ASCC3: variants seen among roughly 807,000 people sequenced by gnomAD.
ASCC3 encodes activating signal cointegrator 1 complex subunit 3.
ASCC3 carries 158 observed loss-of-function variants against 256.3 expected under a neutral mutation model. That is an observed-to-expected ratio of 0.62 (90% CI 0.54 to 0.70). The LOEUF (loss-of-function observed/expected upper bound fraction) is 0.70, where lower values mean the gene tolerates loss of function less well. ASCC3 is among the 30% of genes least tolerant of loss of function. ASCC3 has a pLI of 0.00. For missense variants in ASCC3, 2,259 were observed against 2,626.0 expected, an observed-to-expected ratio of 0.86 and a Z score of 3.05; for synonymous variants, 948 against 883.4, an observed-to-expected ratio of 1.07 and a Z score of -1.30.
intron 29 of ASCC3, among the ~76,000 whole-genome samples, chr6:100,625,628 C>T (rs552720160): frequency 1.8e-4 from 28 of 152,122 alleles, no homozygotes; most frequent in African/African-American, 6.7e-4. Flanking sequence ...GACTGAGACT[C>T]TCCATTAAGA....
chr6:100,853,926 T>C (rs1262194006), intron 3 of ASCC3, among the ~76,000 whole-genome samples: 2 of 152,182 alleles, frequency 1.3e-5, no homozygotes, highest in Non-Finnish European at 2.9e-5. Flanking sequence ...ACAAAGTACA[T>C]TATTTAACAA....
At position 100,659,723 on chromosome 6, in the gene ASCC3, T is replaced by C. The variant is rs140330935; in HGVS notation, c.2703+2083A>G. Among the ~76,000 whole-genome samples, 8 of 151,712 alleles carry C rather than the reference T, an allele frequency of 5.3e-5. No homozygotes were observed. The East Asian group carries it at 1.2e-3, about 22-fold the overall frequency. The stretch of plus-strand genomic sequence containing the variant: ...TACTGACTTTGTGTCTTCTGTATAA[T>C]ATTGCCAACTTGTGTTTATTTTACC... On this transcript the variant is annotated intron_variant, in intron 16 of 41. Transcript: ENST00000369162.
chr6:100,651,757 G>A (rs1775682215), intron 18 of ASCC3, 111 bp from the exon 19 acceptor site: 1 of 424,978 alleles, frequency 2.4e-6, no homozygotes, highest in South Asian at 4.6e-5. Context: ...CCTAGACAGT[G>A]CAGTTATAAT....
chr6:100,813,841 G>A (rs1770608097), intron 4 of ASCC3, among the ~76,000 whole-genome samples: 1 of 151,836 alleles, frequency 6.6e-6, no homozygotes, highest in Non-Finnish European at 1.5e-5. Flanking sequence ...AAGGAGCTTT[G>A]GGGCCACAAC....
intron 13 of ASCC3, among the ~76,000 whole-genome samples, chr6:100,712,193 T>C (rs1422059794): frequency 2.0e-5 from 3 of 152,008 alleles, no homozygotes; most frequent in Admixed American, 1.3e-4. Flanking sequence ...AAAATCAAGG[T>C]GACCTTGGAT....
intron 12 of ASCC3, among the ~76,000 whole-genome samples, chr6:100,716,473 G>A (rs1779091140): frequency 6.6e-6 from 1 of 151,820 alleles, no homozygotes; most frequent in African/African-American, 2.4e-5. Flanking sequence ...CATCTAAAAT[G>A]ACAATGATTT....
At chr6:100,655,640 T>C (rs1283374655) in intron 17 of ASCC3, 59 bp downstream of exon 17, 5 of 1,564,698 alleles carry the variant, frequency 3.2e-6, no homozygotes, top group African/African-American at 1.4e-5. Flanking sequence ...TCTATCCTCA[T>C]ATCATGAAAG....
intron 4 of ASCC3, among the ~76,000 whole-genome samples, chr6:100,817,748 C>A (rs1192860234): frequency 6.6e-6 from 1 of 152,094 alleles, no homozygotes; most frequent in Non-Finnish European, 1.5e-5. Flanking sequence ...TCTGAACAGA[C>A]CTATAACAAG....
At position 100,631,212 on chromosome 6, in the gene ASCC3, G is replaced by A. The variant is rs202030362; in HGVS notation, c.4124C>T (p.Ala1375Val). ...GGCTTTTAGGGGTGCAATATATACC[G>A]CCTAAAAAGGGGAGAATAGCCAAAA... is the stretch of plus-strand genomic sequence containing the variant. ...RVFNKYPTSKAVYIAPLKALV... is the reference protein window; with the variant it reads ...RVFNKYPTSKVVYIAPLKALV... Residue 1375 changes from alanine (A) to valine (V), a missense_variant and splice_region_variant, in exon 26 of 42, where the codon GCG becomes GTG. Transcript: ENST00000369162. 73 of 1,607,894 alleles carry A rather than the reference G, an allele frequency of 4.5e-5. No homozygotes were observed. Among genetic ancestry groups the A allele is most frequent in the African/African-American group, 3.7e-4 (28 of 74,798 alleles).
chr6:100,670,594 GA>G (rs1005274912), intron 14 of ASCC3, among the ~76,000 whole-genome samples: 5 of 124,260 alleles, frequency 4.0e-5, no homozygotes, highest in Non-Finnish European at 8.0e-5. Flanking sequence ...TTAATCTGCA[GA>G]AAAGTCATCT....
chr6:100,649,179 C>T lies in ASCC3; in HGVS notation c.3252+1359G>A, dbSNP rs182144058. 3.4e-3 allele frequency among the ~76,000 whole-genome samples: 514 copies of T among 151,724 alleles called. 2 individuals carry two copies. Among genetic ancestry groups the T allele is most frequent in the South Asian group, 8.5e-3 (41 of 4,816 alleles). ...GATATCCTTAATCAGAAGTTGACTT[C>T]CTGGATACCAATCATGAAGAGAATT... On this transcript the variant is annotated intron_variant, in intron 20 of 41. Coordinates refer to ENST00000369162, the MANE Select transcript of ASCC3 (RefSeq NM_006828.4).
rs1562084107 is a variant in ASCC3 at position 100,512,937 on chromosome 6, G to GA, written c.6076-20dup. ...TCCATGCCTAAATAAAAAGAGAAAA[G>GA]AAACAATAAAGGAGGAGTTTATGTG... is the stretch of plus-strand genomic sequence containing the variant. On this transcript the variant is annotated intron_variant, in intron 39 of 41. Transcript: ENST00000369162. 2 of 1,604,982 alleles carry GA rather than the reference G, an allele frequency of 1.2e-6. No individual in the cohort carries two copies.
intron 11 of ASCC3, among the ~76,000 whole-genome samples, chr6:100,719,279 CA>C (rs1779215617): frequency 6.6e-6 from 1 of 152,076 alleles, no homozygotes; most frequent in East Asian, 1.9e-4. Flanking sequence ...AACCCCAAAC[CA>C]AATCCCATCA....
intron 1 of ASCC3, among the ~76,000 whole-genome samples, chr6:100,872,469 CG>C (rs757129669): frequency 1.6e-5 from 2 of 128,790 alleles, no homozygotes; most frequent in Admixed American, 1.6e-4. Context: ...AAAAAAGGGT[CG>C]GGGGGGGATC....
intron 11 of ASCC3, among the ~76,000 whole-genome samples, chr6:100,718,907 G>A (rs939592508): frequency 1.3e-5 from 2 of 151,986 alleles, no homozygotes; most frequent in Non-Finnish European, 2.9e-5. Flanking sequence ...AAAACCAAGG[G>A]ATGGCCAAAA....
intron 10 of ASCC3, among the ~76,000 whole-genome samples, chr6:100,746,178 T>C: frequency 1.5e-5 from 1 of 68,930 alleles, no homozygotes; most frequent in African/African-American, 4.3e-5. Context: ...CTAAAACACA[T>C]AGAATTTGAG....
intron 1 of ASCC3, among the ~76,000 whole-genome samples, chr6:100,871,133 T>C (rs1248712756): frequency 6.6e-6 from 1 of 152,092 alleles, no homozygotes; most frequent in Non-Finnish European, 1.5e-5. Context: ...TCTCACTTTG[T>C]TGACAAGGCT....
chr6:100,526,440 A>C (rs1418004398), intron 37 of ASCC3, among the ~76,000 whole-genome samples: 2 of 152,160 alleles, frequency 1.3e-5, no homozygotes, highest in African/African-American at 4.8e-5. Context: ...CCACCACCAA[A>C]TTGTTATACA....
At chr6:100,672,436 G>A (rs1776800143) in intron 14 of ASCC3, among the ~76,000 whole-genome samples, 1 of 151,934 alleles carries the variant, frequency 6.6e-6, no homozygotes, top group Non-Finnish European at 1.5e-5. Flanking sequence ...AGATGATAAA[G>A]TCCATTCTGC....
Sources: gnomAD v4.1 joint callset for allele counts (sites outside exome capture counted in the v4.1 genomes callset) on GRCh38, gnomAD v4.1.1 for gene constraint, MANE v1.5 for transcripts, NCBI Gene and HGNC (gene_info 2026-07-23, HGNC 2026-07-21) for gene names.